NUP153: variants seen among roughly 807,000 people sequenced by gnomAD.
NUP153 encodes nucleoporin 153.
In NUP153, 27 loss-of-function variants were observed where a neutral mutation model predicts 134.6. The ratio of observed to expected loss-of-function variants is 0.20; its 90% CI spans 0.15 to 0.28. NUP153 has a LOEUF of 0.28. Among genes scored for constraint, NUP153 ranks in the 10% least tolerant of loss-of-function variants. The pLI is 1.00. For synonymous variants in NUP153, 640 were observed against 623.5 expected (o/e 1.03, Z -0.40); for missense variants, 1,821 against 1,731.3 (o/e 1.05, Z -0.92).
chr6:17,684,902 A>G (rs1298942421), intron 2 of NUP153, among the ~76,000 whole-genome samples: 3 of 152,236 alleles, frequency 2.0e-5, no homozygotes, highest in African/African-American at 4.8e-5. Flanking sequence ...TAAGTTCATC[A>G]TCTTATATGG....
At chr6:17,617,366 C>T (rs138387850) in intron 20 of NUP153, among the ~76,000 whole-genome samples, 78 of 148,154 alleles carry the variant, frequency 5.3e-4, no homozygotes, top group East Asian at 3.0e-3. Flanking sequence ...TGATACTAAA[C>T]GAGCAGTAGG....
Position 17,643,983 on chromosome 6 carries a change from CTT to C in NUP153, c.1720+2082_1720+2083del, listed in dbSNP as rs1561869608. ...AATAGTTAACATTAAAGAAAAAAAA[CTT>C]TTGTGACAGGAAACACAATGGAAAT... On this transcript the variant is annotated intron_variant, in intron 14 of 21. Coordinates refer to ENST00000262077, the MANE Select transcript of NUP153 (RefSeq NM_005124.4). Among the ~76,000 whole-genome samples, 8 of 151,938 alleles carry C rather than the reference CTT, an allele frequency of 5.3e-5. No individual in the cohort carries two copies. The South Asian group carries it at 1.5e-3, about 28-fold the overall frequency.
intron 16 of NUP153, among the ~76,000 whole-genome samples, chr6:17,635,610 C>T (rs775024766): frequency 1.3e-5 from 2 of 152,068 alleles, no homozygotes; most frequent in Non-Finnish European, 2.9e-5. Flanking sequence ...CCATGCTGCT[C>T]GGGCTGGTCT....
chr6:17,647,438 G>A (rs1011507766), intron 13 of NUP153, among the ~76,000 whole-genome samples: 9 of 152,158 alleles, frequency 5.9e-5, no homozygotes, highest in African/African-American at 2.2e-4. Flanking sequence ...GACAGTCTGG[G>A]GATAATGGGG....
At chr6:17,686,059 G>T (rs1470814133) in intron 2 of NUP153, among the ~76,000 whole-genome samples, 1 of 151,924 alleles carries the variant, frequency 6.6e-6, no homozygotes, top group African/African-American at 2.4e-5. Flanking sequence ...GAGGTGGGAG[G>T]ATCGCTTGAG....
intron 1 of NUP153, among the ~76,000 whole-genome samples, chr6:17,691,895 T>C (rs948068539): frequency 5.3e-5 from 8 of 152,272 alleles, no homozygotes; most frequent in Admixed American, 5.2e-4. Flanking sequence ...CACTGCAGCC[T>C]CAAACTCCTG....
At chr6:17,673,624 T>G (rs2113832449) in intron 5 of NUP153, among the ~76,000 whole-genome samples, 1 of 152,280 alleles carries the variant, frequency 6.6e-6, no homozygotes, top group Non-Finnish European at 1.5e-5. Context: ...TCATTAGTCA[T>G]TACGGAAGTA....
intron 2 of NUP153, among the ~76,000 whole-genome samples, chr6:17,684,068 T>C (rs1233604186): frequency 6.6e-6 from 1 of 152,178 alleles, no homozygotes; most frequent in Non-Finnish European, 1.5e-5. Flanking sequence ...ATGTGACTGA[T>C]ATGCCTGCTC....
chr6:17,681,555 C>T (rs559162095), intron 2 of NUP153, among the ~76,000 whole-genome samples: 3 of 152,030 alleles, frequency 2.0e-5, no homozygotes, highest in Non-Finnish European at 4.4e-5. Flanking sequence ...GTACTCCAGC[C>T]TGGGCGACAG....
intron 12 of NUP153, among the ~76,000 whole-genome samples, chr6:17,648,899 T>G (rs1766358845): frequency 6.6e-6 from 1 of 152,136 alleles, no homozygotes; most frequent in Non-Finnish European, 1.5e-5. Context: ...AAAAAGCATC[T>G]TACTGGAAAC....
intron 21 of NUP153, among the ~76,000 whole-genome samples, 158 bp downstream of exon 21, chr6:17,616,369 A>G (rs912156647): frequency 2.0e-5 from 3 of 152,332 alleles, no homozygotes; most frequent in Middle Eastern, 3.4e-3. Context: ...AAACTGTAAT[A>G]TAATCCTCCA....
chr6:17,693,465 T>A (rs1769412862), intron 1 of NUP153, among the ~76,000 whole-genome samples: 1 of 152,234 alleles, frequency 6.6e-6, no homozygotes, highest in Admixed American at 6.5e-5. Flanking sequence ...AGTTACAGCA[T>A]TTCTTCCCTG....
intron 1 of NUP153, among the ~76,000 whole-genome samples, chr6:17,699,332 T>A (rs954104892): frequency 4.6e-5 from 7 of 151,466 alleles, no homozygotes; most frequent in Non-Finnish European, 8.8e-5. Context: ...CCGTCCCTAC[T>A]AAAGATATAA....
intron 2 of NUP153, among the ~76,000 whole-genome samples, chr6:17,677,477 A>G (rs1272881423): frequency 6.6e-6 from 1 of 152,194 alleles, no homozygotes; most frequent in Non-Finnish European, 1.5e-5. Flanking sequence ...AAAGACCTTA[A>G]AACATTTAGC....
chr6:17,697,849 T>A (rs1453505425), intron 1 of NUP153, among the ~76,000 whole-genome samples: 1 of 152,154 alleles, frequency 6.6e-6, no homozygotes, highest in Non-Finnish European at 1.5e-5. Flanking sequence ...AACTCACTTG[T>A]AATTAACGAC....
At position 17,625,852 on chromosome 6, in the gene NUP153, G is replaced by A; in HGVS notation, c.3857C>T (p.Thr1286Ile). ...TGTGGCTCCAAAGCCGAAACCAGAG[G>A]TGGTAGTATTATTACTGCTGGCTCC... is the stretch of plus-strand genomic sequence containing the variant. The part of the protein sequence containing the change: ...GPGASSNNTT[T>I]SGFGFGATTT... The change falls in exon 19 of 22, where the codon ACC (threonine) becomes ATC (isoleucine). Residue 1286 changes from threonine (T) to isoleucine (I), a missense_variant. Physicochemically the swap from Thr to Ile is moderately conservative, Grantham distance 89 (BLOSUM62 -1). Coordinates refer to ENST00000262077, the MANE Select transcript of NUP153 (RefSeq NM_005124.4). The surrounding 1 kb of genome is among the most constrained non-coding windows in gnomAD (Gnocchi z 4.7). 1 of 1,614,216 alleles carries A rather than the reference G, an allele frequency of 6.2e-7. No individual in the cohort carries two copies. Among genetic ancestry groups the A allele is most frequent in the Non-Finnish European group, 8.5e-7 (1 of 1,180,028 alleles).
chr6:17,686,403 CT>C (rs1235635209), intron 2 of NUP153, among the ~76,000 whole-genome samples: 409 of 144,628 alleles, frequency 2.8e-3, no homozygotes, highest in African/African-American at 4.2e-3. Context: ...TTTTTTATTT[CT>C]TTTTTTTTTT....
chr6:17,689,594 C>T (rs1372101679), intron 1 of NUP153, among the ~76,000 whole-genome samples: 2 of 149,602 alleles, frequency 1.3e-5, no homozygotes, highest in Non-Finnish European at 3.0e-5. Flanking sequence ...TGGAGTGCAA[C>T]GGTGCGATCT....
chr6:17,688,835 T>C (rs777655626), intron 1 of NUP153, among the ~76,000 whole-genome samples: 55 of 152,172 alleles, frequency 3.6e-4, no homozygotes, highest in Admixed American at 9.2e-4. Context: ...GCAATAATTG[T>C]CCCAAATGGC....
Sources: gnomAD v4.1 joint callset for allele counts (sites outside exome capture counted in the v4.1 genomes callset) on GRCh38, gnomAD v4.1.1 for gene constraint, Gnocchi (gnomAD v3.1) non-coding constraint, MANE v1.5 for transcripts, NCBI Gene and HGNC (gene_info 2026-07-23, HGNC 2026-07-21) for gene names.